PRDM10: variants seen among roughly 807,000 people sequenced by gnomAD.
The protein encoded by PRDM10 is PR/SET domain 10.
A neutral mutation model predicts 133.1 loss-of-function variants in PRDM10; 65 were observed. That is an observed-to-expected ratio of 0.49 (90% CI 0.40 to 0.60). The LOEUF is 0.60. Ranked by LOEUF, PRDM10 falls within the 20% of genes least tolerant of loss-of-function variation. The pLI, the probability that PRDM10 is intolerant of heterozygous loss-of-function variation, is 0.00. For missense variants in PRDM10, 1,137 were observed against 1,507.1 expected (o/e 0.75, Z 4.07); for synonymous variants, 582 against 580.4 (o/e 1.00, Z -0.04).
intron 6 of PRDM10, among the ~76,000 whole-genome samples, chr11:129,943,371 T>C (rs1031783013): frequency 2.6e-5 from 4 of 152,200 alleles, no homozygotes; most frequent in African/African-American, 9.6e-5. Flanking sequence ...TGCATTCCAG[T>C]CAAAATTATT....
At chr11:129,963,590 T>C (rs1951846359) in intron 1 of PRDM10, among the ~76,000 whole-genome samples, 1 of 152,174 alleles carries the variant, frequency 6.6e-6, no homozygotes, top group East Asian at 1.9e-4. Context: ...ATGTTAACAT[T>C]GTACCATGTT....
intron 11 of PRDM10, among the ~76,000 whole-genome samples, chr11:129,928,932 G>T (rs1224981764): frequency 1.3e-5 from 2 of 152,138 alleles, no homozygotes; most frequent in African/African-American, 2.4e-5. Flanking sequence ...TCTTTCAAGG[G>T]CTAGTCTAAG....
intron 1 of PRDM10, among the ~76,000 whole-genome samples, chr11:129,971,291 T>G (rs1952017874): frequency 6.6e-6 from 1 of 152,202 alleles, no homozygotes; most frequent in African/African-American, 2.4e-5. Flanking sequence ...CCTGCTTTTA[T>G]TCTCTTATCT....
At chr11:129,973,850 CT>C (rs907684361) in intron 1 of PRDM10, among the ~76,000 whole-genome samples, 2 of 152,220 alleles carry the variant, frequency 1.3e-5, no homozygotes, top group Non-Finnish European at 2.9e-5. Flanking sequence ...ATCCAGAAGA[CT>C]TGCATCCAAA....
chr11:129,940,337 A>G (rs961648675), intron 7 of PRDM10, among the ~76,000 whole-genome samples: 4 of 152,162 alleles, frequency 2.6e-5, no homozygotes, highest in Non-Finnish European at 5.9e-5. Context: ...TCTTTTTATA[A>G]CTATTTCCTC....
At chr11:129,955,484 C>G (rs1951678999) in intron 4 of PRDM10, 28 bp downstream of exon 4, 1 of 1,610,688 alleles carries the variant, frequency 6.2e-7, no homozygotes, top group Non-Finnish European at 8.5e-7. Flanking sequence ...CAGTGTTATC[C>G]CCAAACAAGA....
chr11:129,923,687 A>AGAGAGAGAGAGAGAGAGAGAGAGAGG lies in PRDM10; in HGVS notation c.1879-285_1879-284insCCTCTCTCTCTCTCTCTCTCTCTCTC, dbSNP rs1565464200. ...GAGAGAGAGAGAGAGAGAGAGAGAG[A>AGAGAGAGAGAGAGAGAGAGAGAGAGG]GAGAGAGTGCTTGCTTGGTCAAAGC... is the stretch of plus-strand genomic sequence containing the variant. On this transcript the variant is annotated intron_variant, in intron 12 of 20. Transcript: ENST00000360871. This position sits in a 1 kb window ranked among gnomAD's most constrained non-coding sequence, Gnocchi z 4.4. 2.1e-5 allele frequency among the ~76,000 whole-genome samples: 3 copies of AGAGAGAGAGAGAGAGAGAGAGAGAGG among 145,198 alleles called. No homozygotes were observed. Among genetic ancestry groups the AGAGAGAGAGAGAGAGAGAGAGAGAGG allele is most frequent in the African/African-American group, 8.0e-5 (3 of 37,724 alleles).
At chr11:129,936,133 G>A (rs555916349) in intron 8 of PRDM10, among the ~76,000 whole-genome samples, 14 of 152,178 alleles carry the variant, frequency 9.2e-5, no homozygotes, top group African/African-American at 3.4e-4. Flanking sequence ...TAAAAATGCT[G>A]GACACTGAAG....
chr11:129,999,844 T>G (rs1222054199), intron 1 of PRDM10, among the ~76,000 whole-genome samples: 1 of 152,188 alleles, frequency 6.6e-6, no homozygotes, highest in African/African-American at 2.4e-5. Flanking sequence ...ATAATGGAAG[T>G]AATGAAAGTG....
At chr11:129,978,628 C>T (rs895250220) in intron 1 of PRDM10, among the ~76,000 whole-genome samples, 5 of 152,188 alleles carry the variant, frequency 3.3e-5, no homozygotes, top group African/African-American at 7.2e-5. Flanking sequence ...CCTGCTTCTC[C>T]CTCTCCATGA....
chr11:129,903,253 G>A (rs1358982461), intron 20 of PRDM10, among the ~76,000 whole-genome samples: 2 of 150,846 alleles, frequency 1.3e-5, no homozygotes, highest in African/African-American at 4.9e-5. Flanking sequence ...AGTTGAGATC[G>A]TGCCATTGCA....
rs1491447398 is a variant in PRDM10 at position 129,923,693 on chromosome 11, A to AGAGAGAGAGAGAGC, written c.1879-291_1879-290insGCTCTCTCTCTCTC. Among the ~76,000 whole-genome samples the AGAGAGAGAGAGAGC allele has an allele frequency of 3.7e-5, 5 of 135,598 alleles. No individual in the cohort carries two copies. The highest frequency in any genetic ancestry group is 1.4e-4 in the African/African-American group (5 of 35,416). The allele number at this position is 135,598 out of a possible 152,430, so 89.0% of individuals were successfully genotyped here. The stretch of plus-strand genomic sequence containing the variant: ...GAGAGAGAGAGAGAGAGAGAGAGAG[A>AGAGAGAGAGAGAGC]GTGCTTGCTTGGTCAAAGCCCTGAT... On this transcript the variant is annotated intron_variant, in intron 12 of 20. Coordinates refer to ENST00000360871, the MANE Select transcript of PRDM10 (RefSeq NM_199437.2). This position sits in a 1 kb window ranked among gnomAD's most constrained non-coding sequence, Gnocchi z 4.4.
At chr11:129,993,126 CTTTAA>C (rs1425048604) in intron 1 of PRDM10, among the ~76,000 whole-genome samples, 2 of 152,186 alleles carry the variant, frequency 1.3e-5, no homozygotes, top group African/African-American at 2.4e-5. Flanking sequence ...CAACATCCAA[CTTTAA>C]TTTAGGTATA....
At chr11:129,920,978 G>A (rs1315471356) in intron 13 of PRDM10, among the ~76,000 whole-genome samples, 1 of 152,124 alleles carries the variant, frequency 6.6e-6, no homozygotes, top group Non-Finnish European at 1.5e-5. Flanking sequence ...TATATTTTTA[G>A]TAGAGATGGG....
At position 129,947,172 on chromosome 11, in the gene PRDM10, G is replaced by A; in HGVS notation, c.493C>T (p.Pro165Ser). The A allele has an allele frequency of 6.2e-7, 1 of 1,614,028 alleles. No homozygotes were observed. Among genetic ancestry groups the A allele is most frequent in the South Asian group, 1.1e-5 (1 of 91,064 alleles). Residue 165 changes from proline (P) to serine (S), a missense_variant, in exon 5 of 21, where the codon CCC becomes TCC. This residue lies in a region of PRDM10 where 635 missense variants were observed against 835.2 expected (regional missense o/e 0.76). Transcript: ENST00000360871. This position sits in a 1 kb window ranked among gnomAD's most constrained non-coding sequence, Gnocchi z 4.6. The stretch of plus-strand genomic sequence containing the variant: ...AAGTCGTGTGGGTCGAAGGGCCGGG[G>A]CGGGTCTGGCTCCCAGTCATCCAGA... Reference protein sequence around the residue: ...TDLDDWEPDPPRPFDPHDLWC... With the variant: ...TDLDDWEPDPSRPFDPHDLWC...
At chr11:129,902,801 A>G (rs1269375700) in intron 20 of PRDM10, among the ~76,000 whole-genome samples, 1 of 152,212 alleles carries the variant, frequency 6.6e-6, no homozygotes, top group African/African-American at 2.4e-5. Flanking sequence ...CAAAGAAAAC[A>G]TGCCGTTGCA....
At position 129,918,519 on chromosome 11, in the gene PRDM10, C is replaced by G. The variant is rs758824017; in HGVS notation, c.2214+20G>C. Reference sequence around the variant, plus strand: ...GGTATGCTGGGAAGACAGAGGAACCCGCAGCCACTGGGCACTGACCAGCAT... The same window carrying G: ...GGTATGCTGGGAAGACAGAGGAACCGGCAGCCACTGGGCACTGACCAGCAT... On this transcript the variant is annotated intron_variant, in intron 14 of 20. Transcript: ENST00000360871. The surrounding 1 kb of genome is among the most constrained non-coding windows in gnomAD (Gnocchi z 5.3). 1 of 1,606,852 alleles carries G rather than the reference C, an allele frequency of 6.2e-7. No individual in the cohort carries two copies. The highest frequency in any genetic ancestry group is 8.5e-7 in the Non-Finnish European group (1 of 1,176,064).
chr11:129,924,713 A>AT (rs1287554396), intron 12 of PRDM10, among the ~76,000 whole-genome samples, 169 bp downstream of exon 12: 2 of 152,204 alleles, frequency 1.3e-5, no homozygotes, highest in East Asian at 3.8e-4. Flanking sequence ...GGGTCATAAT[A>AT]ATCTTGTGTA....
Position 129,923,071 on chromosome 11 carries a change from G to T in PRDM10, c.2034+177C>A, listed in dbSNP as rs1227291752. 6.6e-6 allele frequency among the ~76,000 whole-genome samples: 1 copy of T among 152,220 alleles called. No homozygotes were observed. On this transcript the variant is annotated intron_variant, in intron 13 of 20. Coordinates refer to ENST00000360871, the MANE Select transcript of PRDM10 (RefSeq NM_199437.2). This position sits in a 1 kb window ranked among gnomAD's most constrained non-coding sequence, Gnocchi z 4.4. ...TTTGAATTAACTATTTTGAGGAAAT[G>T]AGTAAGTTTTCCCCCTTAATTTTAT...
Sources: allele counts gnomAD v4.1 joint callset (sites outside exome capture counted in the v4.1 genomes callset), GRCh38; gene constraint gnomAD v4.1.1; regional missense constraint gnomAD v4.1.1; non-coding constraint Gnocchi (gnomAD v3.1); transcripts MANE v1.5; gene names NCBI Gene and HGNC (gene_info 2026-07-23, HGNC 2026-07-21).